Variants in GABRB2 observed in about 807,000 individuals in gnomAD.
The protein encoded by GABRB2 is gamma-aminobutyric acid receptor subunit beta-2.
A neutral mutation model predicts 54.7 loss-of-function variants in GABRB2; 16 were observed. The ratio of observed to expected loss-of-function variants is 0.29; its 90% CI spans 0.20 to 0.44. The LOEUF (loss-of-function observed/expected upper bound fraction) is 0.44. GABRB2 is among the 20% of genes least tolerant of loss of function. The probability of loss-of-function intolerance (pLI) is 1.00; values close to 1 mark genes in which losing one functional copy is unlikely to be tolerated. For synonymous variants in GABRB2, 244 were observed against 233.8 expected, an observed-to-expected ratio of 1.04 and a Z score of -0.40; for missense variants, 355 against 644.0, an observed-to-expected ratio of 0.55 and a Z score of 4.86.
chr5:161,307,773 C>A (rs1757734000), intron 9 of GABRB2, among the ~76,000 whole-genome samples: 1 of 151,886 alleles, frequency 6.6e-6, no homozygotes, highest in South Asian at 2.1e-4. Flanking sequence ...CAAAAGGTAC[C>A]CATTGCTATG....
At position 161,467,924 on chromosome 5, in the gene GABRB2, G is replaced by A. The variant is rs367859875; in HGVS notation, c.238-8080C>T. 8.5e-4 allele frequency among the ~76,000 whole-genome samples: 130 copies of A among 152,084 alleles called. 1 individual carries two copies. The South Asian group carries it at 0.026, about 30-fold the overall frequency. On this transcript the variant is annotated intron_variant, in intron 3 of 9. Coordinates refer to ENST00000393959, the MANE Select transcript of GABRB2 (RefSeq NM_001371727.1). ...GTATAAATTTCCTGTTGGATACATG[G>A]GAATATGTACAGAGATTTCTAAAAT...
chr5:161,447,122 T>A (rs140896821), intron 4 of GABRB2, among the ~76,000 whole-genome samples: 24 of 152,308 alleles, frequency 1.6e-4, no homozygotes, highest in Non-Finnish European at 2.6e-4. Flanking sequence ...CATTTTTTTG[T>A]AGCTTAATCC....
intron 3 of GABRB2, among the ~76,000 whole-genome samples, chr5:161,539,097 G>A (rs1001371082): frequency 6.6e-6 from 1 of 152,168 alleles, no homozygotes; most frequent in Admixed American, 6.5e-5. Flanking sequence ...GTGAAATATT[G>A]CTTCACTCTT....
chr5:161,354,166 T>G (rs1475052418), intron 5 of GABRB2, among the ~76,000 whole-genome samples: 1 of 152,052 alleles, frequency 6.6e-6, no homozygotes, highest in East Asian at 1.9e-4. Flanking sequence ...ATATGCCTAG[T>G]CCTGGGTCTA....
At chr5:161,412,765 C>T (rs1166745148) in intron 4 of GABRB2, among the ~76,000 whole-genome samples, 1 of 152,196 alleles carries the variant, frequency 6.6e-6, no homozygotes, top group East Asian at 1.9e-4. Context: ...TGCTCCTGAT[C>T]CCTCAGTTAA....
intron 5 of GABRB2, among the ~76,000 whole-genome samples, chr5:161,406,004 G>T (rs759525473): frequency 1.4e-4 from 21 of 152,044 alleles, no homozygotes; most frequent in Non-Finnish European, 2.6e-4. Context: ...AAAGCATGGT[G>T]CATACGCTAA....
chr5:161,466,607 C>T (rs942779248), intron 3 of GABRB2, among the ~76,000 whole-genome samples: 1 of 151,916 alleles, frequency 6.6e-6, no homozygotes, highest in Non-Finnish European at 1.5e-5. Context: ...TTTCCATTTA[C>T]CCTCATTTTC....
chr5:161,331,197 G>A, intron 7 of GABRB2, 70 bp from the exon 8 acceptor site: 1 of 1,474,596 alleles, frequency 6.8e-7, no homozygotes, highest in African/African-American at 1.4e-5. Flanking sequence ...TAGCTGGAAA[G>A]GTGATCTATA....
chr5:161,545,685 T>C (rs916434438), intron 2 of GABRB2, among the ~76,000 whole-genome samples: 3 of 151,926 alleles, frequency 2.0e-5, no homozygotes, highest in Non-Finnish European at 4.4e-5. Context: ...TTTTAACTCT[T>C]TGAGCTTCAT....
chr5:161,523,429 TAA>T (rs1456021996), intron 3 of GABRB2, among the ~76,000 whole-genome samples: 1 of 151,480 alleles, frequency 6.6e-6, no homozygotes, highest in East Asian at 1.9e-4. Context: ...CATTCAATAT[TAA>T]AAGACATTCA....
At chr5:161,432,712 G>C (rs1021957323) in intron 4 of GABRB2, among the ~76,000 whole-genome samples, 2 of 152,006 alleles carry the variant, frequency 1.3e-5, no homozygotes, top group Non-Finnish European at 2.9e-5. Context: ...CCAGAATTGA[G>C]TGACAGCACC....
At chr5:161,314,305 T>A (rs577409989) in intron 9 of GABRB2, among the ~76,000 whole-genome samples, 13 of 152,342 alleles carry the variant, frequency 8.5e-5, no homozygotes, top group African/African-American at 2.9e-4. Flanking sequence ...GCATGCCTGC[T>A]TTAGTGCCCT....
intron 5 of GABRB2, among the ~76,000 whole-genome samples, chr5:161,389,920 G>A (rs565629865): frequency 7.7e-4 from 117 of 151,912 alleles, no homozygotes; most frequent in African/African-American, 2.8e-3. Flanking sequence ...AATTTTTCAT[G>A]AGTTTAAATT....
rs1361940099 is a variant in GABRB2, at chr5:161,289,961, A to T, written c.*4120T>A. The T allele has an allele frequency of 6.6e-6, 1 of 152,598 alleles. No homozygotes were observed. Among genetic ancestry groups the T allele is most frequent in the Middle Eastern group, 3.4e-3 (1 of 294 alleles). 9.5% of individuals were successfully genotyped at this position (152,598 alleles called of 1,614,324 possible). A position where few individuals can be genotyped will look rare whatever the true frequency, so the allele number is the denominator to read the frequency against. On this transcript the variant is annotated 3_prime_UTR_variant, in exon 10 of 10. Coordinates refer to ENST00000393959, the MANE Select transcript of GABRB2 (RefSeq NM_001371727.1). ...AAAAATAAATAAAAATTAAGAAAAAAACTAAACAATTATTTGTATCTATTG... is the reference window on the plus strand; with the variant it reads ...AAAAATAAATAAAAATTAAGAAAAATACTAAACAATTATTTGTATCTATTG...
At chr5:161,475,957 T>C (rs1402386269) in intron 3 of GABRB2, among the ~76,000 whole-genome samples, 2 of 151,884 alleles carry the variant, frequency 1.3e-5, no homozygotes, top group Non-Finnish European at 1.5e-5. Context: ...CCAGAGCAAA[T>C]AGGAATGAAA....
chr5:161,546,675 AC>A lies in GABRB2; in HGVS notation c.-33del. 6.4e-7 allele frequency: 1 copy of A among 1,566,748 alleles called. No homozygotes were observed. The highest frequency in any genetic ancestry group is 1.2e-5 in the South Asian group (1 of 85,258). ...AGTTTTTGATGGAATTGAGGGTTTC[AC>A]TGAAGAGAGGAGATCCAACTTAGTC... On this transcript the variant is annotated 5_prime_UTR_variant, in exon 1 of 10. In the 5' UTR this introduces an upstream ATG that the reference lacks. Transcript: ENST00000393959.
chr5:161,357,648 G>T (rs1344158153), intron 5 of GABRB2, among the ~76,000 whole-genome samples: 1 of 152,044 alleles, frequency 6.6e-6, no homozygotes, highest in Non-Finnish European at 1.5e-5. Context: ...GGCTCTTGTA[G>T]TAACCCAAAT....
chr5:161,459,449 A>G, intron 4 of GABRB2, 175 bp downstream of exon 4: 1 of 623,768 alleles, frequency 1.6e-6, no homozygotes, highest in East Asian at 2.8e-5. Context: ...GCTGAGGTTA[A>G]GTTCCTTTGT....
At chr5:161,529,092 C>A (rs1318983531) in intron 3 of GABRB2, among the ~76,000 whole-genome samples, 1 of 151,644 alleles carries the variant, frequency 6.6e-6, no homozygotes. Flanking sequence ...ATTTTTGGGG[C>A]AAGAATTGCA....
Sources: allele counts gnomAD v4.1 joint callset (sites outside exome capture counted in the v4.1 genomes callset), GRCh38; gene constraint gnomAD v4.1.1; transcripts MANE v1.5; gene names NCBI Gene and HGNC (gene_info 2026-07-23, HGNC 2026-07-21).